Variants in CLEC2D observed in about 807,000 individuals in gnomAD.
The protein encoded by CLEC2D is C-type lectin domain family 2 member D, also known as C-type lectin related f.
In CLEC2D, 16 loss-of-function variants were observed where a neutral mutation model predicts 20.0. The ratio of observed to expected loss-of-function variants is 0.80; its 90% confidence interval spans 0.54 to 1.22. CLEC2D has a LOEUF of 1.22. Among genes scored for constraint, CLEC2D ranks in the 50% most tolerant of loss-of-function variants. The pLI, the probability that CLEC2D is intolerant of heterozygous loss-of-function variation, is 0.00. For missense variants in CLEC2D, 207 were observed against 221.5 expected (o/e 0.93, Z 0.42); for synonymous variants, 77 against 71.1 (o/e 1.08, Z -0.42).
chr12:9,693,419 C>T (rs2120981386), intron 4 of CLEC2D: 1 of 233,148 alleles, frequency 4.3e-6, no homozygotes, highest in Non-Finnish European at 8.3e-6. Flanking sequence ...TTTATAGGAT[C>T]TTCAGATTAC....
At chr12:9,692,384 C>T (rs1399014097) in intron 3 of CLEC2D, among the ~76,000 whole-genome samples, 1 of 152,104 alleles carries the variant, frequency 6.6e-6, no homozygotes, top group Admixed American at 6.5e-5. Context: ...AGGTGATCCG[C>T]CTGCCTCGGC....
rs908872776 is a variant in CLEC2D, at chr12:9,695,701, G to C, written c.*827G>C. ...GGACTTAAGGTTGAAGTGTGGTTCA[G>C]GGCCAGTGCATATTAGTGGACAGCA... On this transcript the variant is annotated 3_prime_UTR_variant, in exon 5 of 5. Coordinates refer to ENST00000290855, the MANE Select transcript of CLEC2D (RefSeq NM_013269.6). The C allele has an allele frequency of 7.7e-6, 12 of 1,567,790 alleles. No individual in the cohort carries two copies. The African/African-American group carries it at 1.5e-4, about 19-fold the overall frequency.
At chr12:9,694,732 C>G in intron 4 of CLEC2D, 28 bp from the exon 5 acceptor site, 2 of 1,214,084 alleles carry the variant, frequency 1.6e-6, no homozygotes, top group Non-Finnish European at 2.5e-6. Context: ...TGTTCAGTGG[C>G]CAACTGATTC....
At chr12:9,684,932 T>A (rs1283862031) in intron 2 of CLEC2D, among the ~76,000 whole-genome samples, 1 of 152,216 alleles carries the variant, frequency 6.6e-6, no homozygotes, top group Non-Finnish European at 1.5e-5. Context: ...TTCTATTGTT[T>A]GGAATAATTT....
At chr12:9,681,297 A>G (rs749743781) in intron 2 of CLEC2D, among the ~76,000 whole-genome samples, 3 of 151,926 alleles carry the variant, frequency 2.0e-5, no homozygotes, top group Non-Finnish European at 4.4e-5. Context: ...TGCAAAAATT[A>G]AAAAAAATAG....
rs1865989354 is a variant in CLEC2D, at chr12:9,696,160, G to A, written c.*1286G>A. On this transcript the variant is annotated 3_prime_UTR_variant, in exon 5 of 5. Transcript: ENST00000290855. ...AGTGGAAACCAAGTTCATCAATTAT[G>A]TGAAGAATTTCTTCTGGATGACTGA... is the stretch of plus-strand genomic sequence containing the variant. 1 of 880,696 alleles carries A rather than the reference G, an allele frequency of 1.1e-6. No individual in the cohort carries two copies. The allele number at this position is 880,696 out of a possible 1,614,324, so 54.6% of individuals were successfully genotyped here.
chr12:9,693,129 A>G (rs1313246961), intron 4 of CLEC2D, 198 bp downstream of exon 4: 2 of 1,589,480 alleles, frequency 1.3e-6, no homozygotes, highest in East Asian at 4.5e-5. Flanking sequence ...AGGTAGACTG[A>G]CTGTGAACTT....
intron 3 of CLEC2D, 113 bp downstream of exon 3, chr12:9,688,199 T>C: frequency 4.3e-6 from 5 of 1,160,536 alleles, no homozygotes; most frequent in Non-Finnish European, 5.5e-6. Context: ...GATTTTTTTT[T>C]TTTTTTTTTT....
chr12:9,670,507 T>C (rs1219233276), intron 1 of CLEC2D, among the ~76,000 whole-genome samples: 1 of 152,222 alleles, frequency 6.6e-6, no homozygotes, highest in East Asian at 1.9e-4. Flanking sequence ...ATTGGGTATT[T>C]TGAGCATTTT....
At chr12:9,694,131 G>A (rs1384187426) in intron 4 of CLEC2D, among the ~76,000 whole-genome samples, 1 of 151,764 alleles carries the variant, frequency 6.6e-6, no homozygotes, top group East Asian at 1.9e-4. Context: ...ATATTTTAAG[G>A]ATCAAATATA....
chr12:9,693,596 G>A (rs944995245), intron 4 of CLEC2D: 2 of 204,650 alleles, frequency 9.8e-6, no homozygotes, highest in African/African-American at 4.8e-5. Context: ...ACATTGGCAG[G>A]TTTGAAATGA....
intron 1 of CLEC2D, chr12:9,680,176 T>C (rs2120919451): frequency 3.7e-6 from 1 of 270,612 alleles, no homozygotes; most frequent in Non-Finnish European, 7.8e-6. Context: ...AAGGGGCTTT[T>C]ACCCCTTTGT....
rs909999600 is a variant in CLEC2D, at chr12:9,696,997, T to G, written c.*2123T>G. ...TTAACAGATGAATGGATAAAGAAAT[T>G]GTCATATATATAAAACACACACATT... On this transcript the variant is annotated 3_prime_UTR_variant, in exon 5 of 5. Coordinates refer to ENST00000290855, the MANE Select transcript of CLEC2D (RefSeq NM_013269.6). 2.0e-5 allele frequency: 3 copies of G among 149,430 alleles called. No individual in the cohort carries two copies. The highest frequency in any genetic ancestry group is 7.4e-5 in the African/African-American group (3 of 40,370). 9.3% of individuals were successfully genotyped at this position (149,430 alleles called of 1,614,324 possible). A position where few individuals can be genotyped will look rare whatever the true frequency, so the allele number is the denominator to read the frequency against.
intron 1 of CLEC2D, among the ~76,000 whole-genome samples, chr12:9,675,353 G>A (rs1459117518): frequency 2.6e-5 from 4 of 151,886 alleles, no homozygotes; most frequent in Non-Finnish European, 5.9e-5. Context: ...CTGCCACCAC[G>A]CCCGGCTAAT....
chr12:9,685,214 T>A (rs951227280), intron 2 of CLEC2D, among the ~76,000 whole-genome samples: 11 of 152,232 alleles, frequency 7.2e-5, no homozygotes, highest in African/African-American at 2.4e-4. Context: ...CTCTGGAAGC[T>A]TCATCCCAGA....
Position 9,695,466 on chromosome 12 carries a change from A to G in CLEC2D, c.*592A>G. On this transcript the variant is annotated 3_prime_UTR_variant, in exon 5 of 5. Transcript: ENST00000290855. ...AGTTGTGAACTAAAGGCCGACAAAG[A>G]TGATCACTTTAAGGTGGATAATGAT... is the stretch of plus-strand genomic sequence containing the variant. The G allele has an allele frequency of 7.6e-7, 1 of 1,315,906 alleles. No individual in the cohort carries two copies. Among genetic ancestry groups the G allele is most frequent in the Non-Finnish European group, 1.1e-6 (1 of 925,146 alleles). 81.5% of individuals were successfully genotyped at this position (1,315,906 alleles called of 1,614,324 possible).
chr12:9,671,737 A>T (rs1311605427), intron 1 of CLEC2D, among the ~76,000 whole-genome samples: 1 of 152,158 alleles, frequency 6.6e-6, no homozygotes. Context: ...CTTTATGCTG[A>T]CAGAGGCTCA....
intron 3 of CLEC2D, among the ~76,000 whole-genome samples, chr12:9,692,463 A>C (rs1038354850): frequency 1.6e-4 from 25 of 152,112 alleles, no homozygotes; most frequent in African/African-American, 6.0e-4. Context: ...CAAAAAGCAT[A>C]TCCTGGGGCC....
Position 9,696,109 on chromosome 12 carries a change from A to T in CLEC2D, c.*1235A>T, listed in dbSNP as rs745863722. ...CATTAAAGCAAAAATGCAAGCAAGTATAGAAAAACGTGGTTCTCTTCCCAA... is the reference window on the plus strand; with the variant it reads ...CATTAAAGCAAAAATGCAAGCAAGTTTAGAAAAACGTGGTTCTCTTCCCAA... On this transcript the variant is annotated 3_prime_UTR_variant, in exon 5 of 5. Transcript: ENST00000290855. 75 of 1,059,972 alleles carry T rather than the reference A, an allele frequency of 7.1e-5. 1 individual carries two copies. The highest frequency in any genetic ancestry group is 9.7e-5 in the Non-Finnish European group (67 of 690,130). The allele number at this position is 1,059,972 out of a possible 1,614,324, so 65.7% of individuals were successfully genotyped here. A position where few individuals can be genotyped will look rare whatever the true frequency, so the allele number is the denominator to read the frequency against.
Sources: allele counts gnomAD v4.1 joint callset (sites outside exome capture counted in the v4.1 genomes callset), GRCh38; gene constraint gnomAD v4.1.1; transcripts MANE v1.5; gene names NCBI Gene and HGNC (gene_info 2026-07-23, HGNC 2026-07-21).